Variants in SV2B observed in about 807,000 individuals in gnomAD.
SV2B encodes the protein solute carrier family 22 member B2.
SV2B carries 41 observed loss-of-function variants against 73.9 expected under a neutral mutation model. The ratio of observed to expected loss-of-function variants is 0.56; its 90% CI spans 0.43 to 0.72. SV2B has a LOEUF of 0.72. SV2B is among the 30% of genes least tolerant of loss of function. The pLI is 0.00. For synonymous variants in SV2B, 314 were observed against 314.2 expected (o/e 1.00, Z 0.01); for missense variants, 764 against 857.8 (o/e 0.89, Z 1.37).
intron 1 of SV2B, among the ~76,000 whole-genome samples, chr15:91,207,701 C>A (rs902496449): frequency 6.6e-6 from 1 of 152,100 alleles, no homozygotes; most frequent in Non-Finnish European, 1.5e-5. Context: ...GACACAGGAA[C>A]CTTCAGAAAT....
At position 91,251,827 on chromosome 15, in the gene SV2B, G is replaced by A; in HGVS notation, c.460G>A (p.Val154Ile). ...CCTCCCCCTCATTGCAGGGATGATAGTCTACTTGGGAATGATGGCGGGCGC... is the reference window on the plus strand; with the variant it reads ...CCTCCCCCTCATTGCAGGGATGATAATCTACTTGGGAATGATGGCGGGCGC... Reference protein sequence around the residue: ...SSKKGMLGMIVYLGMMAGAFI... With the variant: ...SSKKGMLGMIIYLGMMAGAFI... The change falls in exon 3 of 13, where the codon GTC (valine) becomes ATC (isoleucine). Residue 154 changes from valine to isoleucine, a missense_variant. Val to Ile is a conservative substitution (Grantham distance 29). Coordinates refer to ENST00000394232, the MANE Select transcript of SV2B (RefSeq NM_001323032.3). 1.2e-6 allele frequency: 2 copies of A among 1,614,088 alleles called. No homozygotes were observed. Among genetic ancestry groups the A allele is most frequent in the Non-Finnish European group, 1.7e-6 (2 of 1,180,008 alleles).
intron 1 of SV2B, among the ~76,000 whole-genome samples, chr15:91,169,329 C>T (rs1000123240): frequency 6.6e-6 from 1 of 152,156 alleles, no homozygotes; most frequent in African/African-American, 2.4e-5. Flanking sequence ...CTATTTCACT[C>T]TCCTGCATGT....
intron 1 of SV2B, among the ~76,000 whole-genome samples, chr15:91,107,400 C>T (rs1403109135): frequency 1.3e-5 from 2 of 151,962 alleles, no homozygotes; most frequent in Non-Finnish European, 2.9e-5. Flanking sequence ...GCAACCTCTG[C>T]CTCCCGGGTT....
In SV2B at chr15:91,230,181, C is replaced by T. The variant is rs1381165254; in HGVS notation, c.451+3467C>T. On this transcript the variant is annotated intron_variant, in intron 2 of 12. Transcript: ENST00000394232. The stretch of plus-strand genomic sequence containing the variant: ...GCTTGGGCCCAGGAGACGGAGGTTG[C>T]AGTGAGCTATCATTGTGCCACTGTA... Among the ~76,000 whole-genome samples, 4 of 150,160 alleles carry T rather than the reference C, an allele frequency of 2.7e-5. No homozygotes were observed. The East Asian group carries it at 7.8e-4, about 29-fold the overall frequency.
In SV2B at chr15:91,283,923, C is replaced by T; in HGVS notation, c.1508-98C>T. On this transcript the variant is annotated intron_variant, in intron 10 of 12. Coordinates refer to ENST00000394232, the MANE Select transcript of SV2B (RefSeq NM_001323032.3). This position sits in a 1 kb window ranked among gnomAD's most constrained non-coding sequence, Gnocchi z 4.3. ...GTCTGACTGGCAAAGGCTGGCACAG[C>T]CTGCCTACAGGAGGGGGCAGACTTC... 3 of 1,241,458 alleles carry T rather than the reference C, an allele frequency of 2.4e-6. No individual in the cohort carries two copies. Among genetic ancestry groups the T allele is most frequent in the Non-Finnish European group, 2.3e-6 (2 of 873,514 alleles). 76.9% of individuals were successfully genotyped at this position (1,241,458 alleles called of 1,614,324 possible). A position where few individuals can be genotyped will look rare whatever the true frequency, so the allele number is the denominator to read the frequency against.
chr15:91,215,482 A>G (rs1345616208), intron 1 of SV2B, among the ~76,000 whole-genome samples: 1 of 152,200 alleles, frequency 6.6e-6, no homozygotes, highest in Non-Finnish European at 1.5e-5. Flanking sequence ...TTTGGAACAC[A>G]GAGGAACAGA....
chr15:91,207,092 C>G (rs2045669942), intron 1 of SV2B, among the ~76,000 whole-genome samples: 1 of 151,716 alleles, frequency 6.6e-6, no homozygotes, highest in Non-Finnish European at 1.5e-5. Context: ...GCATGAGATC[C>G]TAGCTCTCAC....
At chr15:91,209,161 G>T (rs1439487241) in intron 1 of SV2B, among the ~76,000 whole-genome samples, 16 of 115,528 alleles carry the variant, frequency 1.4e-4, no homozygotes, top group Non-Finnish European at 8.3e-5. Context: ...TTGCTCTGTT[G>T]CCCAGGCTGG....
chr15:91,261,525 A>C lies in SV2B; in HGVS notation c.1008+1116A>C, dbSNP rs2047909801. ...ATTAGTGCAATGAACCTTCTTGTGC[A>C]CATAGTTCCTTCCCCTTCATGTCCT... is the stretch of plus-strand genomic sequence containing the variant. On this transcript the variant is annotated intron_variant, in intron 6 of 12. Transcript: ENST00000394232. This position sits in a 1 kb window ranked among gnomAD's most constrained non-coding sequence, Gnocchi z 4.7. 6.6e-6 allele frequency among the ~76,000 whole-genome samples: 1 copy of C among 152,168 alleles called. No individual in the cohort carries two copies. Among genetic ancestry groups the C allele is most frequent in the Non-Finnish European group, 1.5e-5 (1 of 68,016 alleles).
At position 91,289,607 on chromosome 15, in the gene SV2B, T is replaced by C. The variant is rs775342579; in HGVS notation, c.1795T>C (p.Phe599Leu). 1.5e-5 allele frequency: 25 copies of C among 1,614,216 alleles called. No individual in the cohort carries two copies. In the South Asian group the frequency reaches 2.5e-4, roughly 16 times the overall value. ...ESAMIGWQCL[F>L]CGTSIAAWNA... Reference sequence around the variant, plus strand: ...TGCAATGATCGGCTGGCAGTGCCTGTTCTGTGGGACAAGCATTGCAGCCTG... The same window carrying C: ...TGCAATGATCGGCTGGCAGTGCCTGCTCTGTGGGACAAGCATTGCAGCCTG... The change falls in exon 12 of 13, where the codon TTC becomes CTC. Residue 599 changes from phenylalanine (F) to leucine (L), a missense_variant. Phe to Leu is a conservative substitution (Grantham distance 22, BLOSUM62 0). Transcript: ENST00000394232. The surrounding 1 kb of genome is among the most constrained non-coding windows in gnomAD (Gnocchi z 4.9).
At chr15:91,259,056 A>G (rs1281252481) in intron 5 of SV2B, among the ~76,000 whole-genome samples, 1 of 151,998 alleles carries the variant, frequency 6.6e-6, no homozygotes, top group Non-Finnish European at 1.5e-5. Context: ...TGGTTGTGTC[A>G]CTGCACTCCA....
chr15:91,103,061 G>A (rs2041780874), intron 1 of SV2B, among the ~76,000 whole-genome samples: 1 of 152,210 alleles, frequency 6.6e-6, no homozygotes, highest in African/African-American at 2.4e-5. Context: ...TTGCCTCTTA[G>A]GATTCCTATT....
At chr15:91,277,008 G>T (rs995422158) in intron 9 of SV2B, among the ~76,000 whole-genome samples, 1 of 152,040 alleles carries the variant, frequency 6.6e-6, no homozygotes, top group African/African-American at 2.4e-5. Flanking sequence ...TTTTAGTAGA[G>T]ACGGGGTTTC....
chr15:91,126,856 C>G (rs1268383699), intron 1 of SV2B, among the ~76,000 whole-genome samples: 1 of 152,186 alleles, frequency 6.6e-6, no homozygotes, highest in Admixed American at 6.5e-5. Context: ...CTTCCTTAAC[C>G]TGATAAAGGA....
intron 1 of SV2B, among the ~76,000 whole-genome samples, chr15:91,148,719 G>C (rs2043220006): frequency 6.6e-6 from 1 of 152,186 alleles, no homozygotes; most frequent in Non-Finnish European, 1.5e-5. Flanking sequence ...AAGATCTGCA[G>C]TTGGCAAGCT....
intron 9 of SV2B, among the ~76,000 whole-genome samples, chr15:91,279,813 A>G (rs962468373): frequency 6.6e-6 from 1 of 152,230 alleles, no homozygotes; most frequent in African/African-American, 2.4e-5. Flanking sequence ...TTAAGTAAAC[A>G]CGTCTAGCTT....
rs2151717302 is a variant in SV2B, at chr15:91,105,131, G to A, written c.-392+4768G>A. ...TGAGTGGTCTCTATGTGCCAGGCAT[G>A]TTATAGGAAGTAGACCCATCTCATG... On this transcript the variant is annotated intron_variant, in intron 1 of 12. Transcript: ENST00000394232. This position sits in a 1 kb window ranked among gnomAD's most constrained non-coding sequence, Gnocchi z 5.5. 6.6e-6 allele frequency among the ~76,000 whole-genome samples: 1 copy of A among 152,306 alleles called. No individual in the cohort carries two copies. Among genetic ancestry groups the A allele is most frequent in the African/African-American group, 2.4e-5 (1 of 41,554 alleles).
intron 1 of SV2B, among the ~76,000 whole-genome samples, chr15:91,221,111 C>T (rs2046196786): frequency 6.6e-6 from 1 of 152,088 alleles, no homozygotes; most frequent in Non-Finnish European, 1.5e-5. Context: ...AGCAATCCTC[C>T]CACCTCAGCC....
In SV2B at chr15:91,199,029, T is replaced by G. The variant is rs558575740; in HGVS notation, c.-391-26844T>G. On this transcript the variant is annotated intron_variant, in intron 1 of 12. Coordinates refer to ENST00000394232, the MANE Select transcript of SV2B (RefSeq NM_001323032.3). The stretch of plus-strand genomic sequence containing the variant: ...AAACTTAAAAAGTCTACTCATTTAT[T>G]TTTTAGAGATGGGGTATCCTTATGT... Among the ~76,000 whole-genome samples the G allele has an allele frequency of 2.6e-5, 4 of 152,334 alleles. No homozygotes were observed. The South Asian group carries it at 8.3e-4, about 32-fold the overall frequency.
Sources: allele counts gnomAD v4.1 joint callset (sites outside exome capture counted in the v4.1 genomes callset), GRCh38; gene constraint gnomAD v4.1.1; non-coding constraint Gnocchi (gnomAD v3.1); transcripts MANE v1.5; gene names NCBI Gene and HGNC (gene_info 2026-07-23, HGNC 2026-07-21).